TG: variants seen among roughly 807,000 people sequenced by gnomAD.
TG encodes thyroid hormones.
TG carries 270 observed loss-of-function variants against 324.7 expected under a neutral mutation model. The observed-to-expected ratio is 0.83, with a 90% CI of 0.75 to 0.92. The LOEUF (loss-of-function observed/expected upper bound fraction) is 0.92, where lower values mean the gene tolerates loss of function less well. Ranked by LOEUF, TG falls within the 40% of genes least tolerant of loss-of-function variation. The pLI is 0.00. For missense variants in TG, 3,591 were observed against 3,456.4 expected, an observed-to-expected ratio of 1.04 and a Z score of -0.98; for synonymous variants, 1,401 against 1,327.0, an observed-to-expected ratio of 1.06 and a Z score of -1.21.
At chr8:132,900,489 T>A (rs1468338997) in intron 15 of TG, 150 bp downstream of exon 15, 2 of 743,766 alleles carry the variant, frequency 2.7e-6, no homozygotes, top group Non-Finnish European at 4.6e-6. Flanking sequence ...AGTTTTCTCA[T>A]CTATGAAATC....
At chr8:132,976,255 A>T (rs182133461) in intron 34 of TG, among the ~76,000 whole-genome samples, 28 of 152,278 alleles carry the variant, frequency 1.8e-4, no homozygotes, top group African/African-American at 6.5e-4. Flanking sequence ...GAGACTGGAG[A>T]GTCAAATATC....
rs1839141995 is a variant in TG at position 132,868,125 on chromosome 8, G to C, written c.78G>C (p.Val26=). ...CTTTTCTTTTCCTAGAGTACCAGGT[G>C]GATGCCCAGCCCCTTCGTCCCTGTG... ...WVSANIFEYQ[V]DAQPLRPCEL... Residue 26 remains valine (V), a synonymous_variant, in exon 2 of 48, where the codon GTG becomes GTC. Coordinates refer to ENST00000220616, the MANE Select transcript of TG (RefSeq NM_003235.5). 5.0e-6 allele frequency: 8 copies of C among 1,614,158 alleles called. No individual in the cohort carries two copies. Among genetic ancestry groups the C allele is most frequent in the Non-Finnish European group, 5.9e-6 (7 of 1,180,022 alleles).
intron 43 of TG, among the ~76,000 whole-genome samples, chr8:133,101,027 C>T (rs1849172944): frequency 6.6e-6 from 1 of 152,086 alleles, no homozygotes; most frequent in South Asian, 2.1e-4. Context: ...CTAACTAGTC[C>T]TTTGGAAAGC....
intron 41 of TG, among the ~76,000 whole-genome samples, chr8:133,067,187 C>T (rs1261551707): frequency 6.6e-6 from 1 of 152,140 alleles, no homozygotes; most frequent in African/African-American, 2.4e-5. Flanking sequence ...ACAGGTGCAC[C>T]TCTCTGAGTG....
At position 132,967,796 on chromosome 8, in the gene TG, T is replaced by G; in HGVS notation, c.5689T>G (p.Cys1897Gly). Residue 1897 changes from cysteine to glycine, a missense_variant and splice_region_variant, in exon 31 of 48, where the codon TGT (cysteine) becomes GGT (glycine). Cys to Gly is a radical substitution (Grantham distance 159, BLOSUM62 -3). Transcript: ENST00000220616. ...QQANLWCLSR[C>G]VQEHSFCQLA... ...TCACACTACTCTCTTGCCTGTAGGTTGTGTGCAGGAGCACTCTTTCTGTCA... is the reference window on the plus strand; with the variant it reads ...TCACACTACTCTCTTGCCTGTAGGTGGTGTGCAGGAGCACTCTTTCTGTCA... The G allele has an allele frequency of 6.2e-7, 1 of 1,613,760 alleles. No individual in the cohort carries two copies. The highest frequency in any genetic ancestry group is 2.2e-5 in the East Asian group (1 of 44,862).
At chr8:133,127,187 A>C (rs1235212966) in intron 45 of TG, among the ~76,000 whole-genome samples, 2 of 151,524 alleles carry the variant, frequency 1.3e-5, no homozygotes, top group East Asian at 3.9e-4. Context: ...GGCTCAACCC[A>C]CCTCCCCAGC....
intron 4 of TG, among the ~76,000 whole-genome samples, 159 bp from the exon 5 acceptor site, chr8:132,872,903 A>G (rs1315259565): frequency 6.6e-6 from 1 of 152,164 alleles, no homozygotes; most frequent in East Asian, 1.9e-4. Context: ...AGGTCTGCAT[A>G]AGTACACTCT....
chr8:132,921,261 A>C (rs1821071708), intron 21 of TG, among the ~76,000 whole-genome samples: 1 of 152,240 alleles, frequency 6.6e-6, no homozygotes, highest in Admixed American at 6.5e-5. Flanking sequence ...AGTGGAATCA[A>C]AATGTTTAGC....
chr8:133,046,577 C>G (rs1367684555), intron 41 of TG: 1 of 152,288 alleles, frequency 6.6e-6, no homozygotes, highest in Non-Finnish European at 1.5e-5. Context: ...CCACCCAGCC[C>G]CAGCACAATG....
At chr8:133,103,034 G>A (rs556237604) in intron 43 of TG, 1 of 173,656 alleles carries the variant, frequency 5.8e-6, no homozygotes, top group East Asian at 1.6e-4. Context: ...GGAGTATGCA[G>A]GAGTTTCCAG....
chr8:132,978,522 C>T (rs908508963), intron 34 of TG, among the ~76,000 whole-genome samples: 5 of 152,186 alleles, frequency 3.3e-5, no homozygotes, highest in Non-Finnish European at 7.3e-5. Flanking sequence ...CCTCCCCAGC[C>T]TCAGAGAATT....
chr8:133,045,208 C>CAGTGA, intron 41 of TG: 1 of 1,358,312 alleles, frequency 7.4e-7, no homozygotes, highest in Admixed American at 1.9e-5. Context: ...GCAGGGAGAC[C>CAGTGA]TGCCCACCCT....
intron 47 of TG, among the ~76,000 whole-genome samples, chr8:133,134,045 A>G (rs1190773420): frequency 1.3e-5 from 2 of 152,256 alleles, no homozygotes; most frequent in Admixed American, 6.5e-5. Flanking sequence ...TTGGAGAGGT[A>G]ACTCTAGCCA....
intron 41 of TG, among the ~76,000 whole-genome samples, chr8:133,072,104 C>T (rs536274405): frequency 6.2e-4 from 95 of 152,240 alleles, no homozygotes; most frequent in African/African-American, 2.2e-3. Context: ...TTAAGTCTCC[C>T]AACTTCACTC....
In TG at chr8:132,913,185, C is replaced by T. The variant is rs373334446; in HGVS notation, c.4298C>T (p.Ser1433Phe). 1.2e-6 allele frequency: 2 copies of T among 1,614,094 alleles called. No homozygotes were observed. The highest frequency in any genetic ancestry group is 1.7e-6 in the Non-Finnish European group (2 of 1,180,036). Reference sequence around the variant, plus strand: ...CTCCAAGGGGACCACTTTGGCACCTCTCCCAGGACATGGTTTGGGTGCTCG... The same window carrying T: ...CTCCAAGGGGACCACTTTGGCACCTTTCCCAGGACATGGTTTGGGTGCTCG... The part of the protein sequence containing the change: ...RFLQGDHFGT[S>F]PRTWFGCSEG... The change falls in exon 20 of 48, where the codon TCT becomes TTT. Residue 1433 changes from serine to phenylalanine, a missense_variant. Ser to Phe is a radical substitution (Grantham distance 155). Transcript: ENST00000220616.
At chr8:132,983,899 C>T (rs897115981) in intron 35 of TG, 5 of 234,446 alleles carry the variant, frequency 2.1e-5, no homozygotes, top group Non-Finnish European at 3.4e-5. Context: ...AGCCCAGGTG[C>T]CCAGGTGCCC....
chr8:132,988,330 G>A (rs1359836302), intron 35 of TG, among the ~76,000 whole-genome samples: 2 of 152,176 alleles, frequency 1.3e-5, no homozygotes, highest in Admixed American at 6.5e-5. Flanking sequence ...CTGAGGCAGA[G>A]GGCACTGCAT....
At chr8:132,880,272 G>T (rs778181541) in intron 5 of TG, among the ~76,000 whole-genome samples, 172 of 152,088 alleles carry the variant, frequency 1.1e-3, no homozygotes, top group Non-Finnish European at 2.5e-4. Flanking sequence ...TCTAAAAGGG[G>T]GATTAAAATG....
At chr8:132,984,885 T>G (rs1196109466) in intron 35 of TG, among the ~76,000 whole-genome samples, 1 of 150,838 alleles carries the variant, frequency 6.6e-6, no homozygotes, top group Non-Finnish European at 1.5e-5. Context: ...GAGGTTGCAG[T>G]GAGCTGAGAT....
Sources: gnomAD v4.1 joint callset for allele counts (sites outside exome capture counted in the v4.1 genomes callset) on GRCh38, gnomAD v4.1.1 for gene constraint, MANE v1.5 for transcripts, NCBI Gene and HGNC (gene_info 2026-07-23, HGNC 2026-07-21) for gene names.